DDHD1: variants seen among roughly 807,000 people sequenced by gnomAD.
DDHD1 encodes the protein DDHD domain containing 1, also known as phospholipase DDHD1.
In DDHD1, 49 loss-of-function variants were observed where a neutral mutation model predicts 96.4. The ratio of observed to expected loss-of-function variants is 0.51; its 90% CI spans 0.40 to 0.64. DDHD1 has a LOEUF of 0.64. DDHD1 is among the 30% of genes least tolerant of loss of function. The pLI, the probability that DDHD1 is intolerant of heterozygous loss-of-function variation, is 0.00. For missense variants in DDHD1, 1,106 were observed against 1,161.2 expected, an observed-to-expected ratio of 0.95 and a Z score of 0.69; for synonymous variants, 442 against 446.5, an observed-to-expected ratio of 0.99 and a Z score of 0.13.
chr14:53,114,199 G>A (rs1888367584), intron 1 of DDHD1, among the ~76,000 whole-genome samples: 1 of 152,236 alleles, frequency 6.6e-6, no homozygotes, highest in South Asian at 2.1e-4. Context: ...CACCTCTGAA[G>A]GAAAGACAGC....
intron 1 of DDHD1, among the ~76,000 whole-genome samples, chr14:53,151,604 GA>G (rs1342574560): frequency 6.6e-6 from 1 of 152,172 alleles, no homozygotes; most frequent in Non-Finnish European, 1.5e-5. Flanking sequence ...TGAGGAAGAC[GA>G]GGCATAGAAA....
chr14:53,054,392 T>C (rs749004017), intron 11 of DDHD1, 46 bp downstream of exon 11: 4 of 1,566,976 alleles, frequency 2.6e-6, no homozygotes, highest in Non-Finnish European at 3.5e-6. Context: ...TCCCCAAGTT[T>C]TAAAAAGATA....
chr14:53,131,899 T>G (rs987261548), intron 1 of DDHD1, among the ~76,000 whole-genome samples: 2 of 152,114 alleles, frequency 1.3e-5, no homozygotes, highest in African/African-American at 2.4e-5. Context: ...GCATAATTCT[T>G]CATGAAAACA....
At position 53,039,447 on chromosome 14, in the gene DDHD1, T is replaced by A. The variant is rs1253976527; in HGVS notation, c.*7321A>T. On this transcript the variant is annotated 3_prime_UTR_variant, in exon 13 of 13. Transcript: ENST00000673822. Reference sequence around the variant, plus strand: ...GAAATAAGGTCTGACCTGAGTCATGTACTCATCTCTTGACCATGGTACAGA... The same window carrying A: ...GAAATAAGGTCTGACCTGAGTCATGAACTCATCTCTTGACCATGGTACAGA... 6.6e-6 allele frequency: 1 copy of A among 152,280 alleles called. No individual in the cohort carries two copies. The highest frequency in any genetic ancestry group is 1.5e-5 in the Non-Finnish European group (1 of 68,094). The allele number at this position is 152,280 out of a possible 1,614,324, so 9.4% of individuals were successfully genotyped here.
At chr14:53,093,783 T>G (rs1317723155) in intron 2 of DDHD1, 2 of 255,056 alleles carry the variant, frequency 7.8e-6, no homozygotes, top group Non-Finnish European at 1.5e-5. Flanking sequence ...TCACTGGGTC[T>G]AAGGCATATA....
At chr14:53,103,114 G>C in intron 2 of DDHD1, 2 of 1,491,220 alleles carry the variant, frequency 1.3e-6, no homozygotes, top group Non-Finnish European at 1.8e-6. Flanking sequence ...GTTTACTCAA[G>C]ATTTAGACAC....
Position 53,046,611 on chromosome 14 carries a change from C to CT in DDHD1, c.*156dup, listed in dbSNP as rs113463836. The CT allele has an allele frequency of 5.2e-3, 2,165 of 413,008 alleles. 2 individuals are homozygous for CT. Among genetic ancestry groups the CT allele is most frequent in the African/African-American group, 0.018 (563 of 30,974 alleles). The allele number at this position is 413,008 out of a possible 1,614,324, so 25.6% of individuals were successfully genotyped here. ...ATGACTTCTTCAGAACTGAAAACTT[C>CT]TTTTTTTTTTAAATAAAGTGCTTTT... On this transcript the variant is annotated 3_prime_UTR_variant, in exon 13 of 13. Coordinates refer to ENST00000673822, the MANE Select transcript of DDHD1 (RefSeq NM_001160148.2).
At chr14:53,065,327 A>G (rs1470592003) in intron 6 of DDHD1, among the ~76,000 whole-genome samples, 2 of 152,222 alleles carry the variant, frequency 1.3e-5, no homozygotes, top group Non-Finnish European at 2.9e-5. Context: ...AGAGAGTTCT[A>G]GTCATCTATA....
Position 53,062,988 on chromosome 14 carries a change from T to C in DDHD1, c.1721A>G (p.Tyr574Cys). The C allele has an allele frequency of 6.2e-7, 1 of 1,613,944 alleles. No individual in the cohort carries two copies. The highest frequency in any genetic ancestry group is 8.5e-7 in the Non-Finnish European group (1 of 1,179,868). ...EELPDERWMSYEERHLLDELY... is the reference protein window; with the variant it reads ...EELPDERWMSCEERHLLDELY... ...TTCATCAAGAAGATGTCGTTCTTCA[T>C]AGCTCATCCATCGTTCATCAGGCAA... The change falls in exon 7 of 13, where the codon TAT becomes TGT. Residue 574 changes from tyrosine to cysteine, a missense_variant. By Grantham distance (194) the Tyr-to-Cys change is radical (BLOSUM62 -2). Coordinates refer to ENST00000673822, the MANE Select transcript of DDHD1 (RefSeq NM_001160148.2).
chr14:53,151,338 GGTCA>G (rs749314315), intron 1 of DDHD1, among the ~76,000 whole-genome samples: 2 of 152,096 alleles, frequency 1.3e-5, no homozygotes, highest in Admixed American at 6.5e-5. Context: ...TAATACTGGT[GGTCA>G]GTAACTTCTG....
intron 10 of DDHD1, among the ~76,000 whole-genome samples, chr14:53,055,202 A>G (rs1474540071): frequency 6.6e-6 from 1 of 152,210 alleles, no homozygotes; most frequent in Non-Finnish European, 1.5e-5. Flanking sequence ...AGTACTGGAG[A>G]TCATTCAAAG....
rs1881722681 is a variant in DDHD1 at position 53,042,432 on chromosome 14, T to C, written c.*4336A>G. 1 of 152,184 alleles carries C rather than the reference T, an allele frequency of 6.6e-6. No homozygotes were observed. The highest frequency in any genetic ancestry group is 1.5e-5 in the Non-Finnish European group (1 of 68,034). The allele number at this position is 152,184 out of a possible 1,614,324, so 9.4% of individuals were successfully genotyped here. On this transcript the variant is annotated 3_prime_UTR_variant, in exon 13 of 13. Coordinates refer to ENST00000673822, the MANE Select transcript of DDHD1 (RefSeq NM_001160148.2). ...TCACTGTATTTAGTTTTTCATGGAG[T>C]TTGCTGCCTTTCACTTCACTTTTCA... is the stretch of plus-strand genomic sequence containing the variant.
At chr14:53,127,418 C>T (rs1388779784) in intron 1 of DDHD1, among the ~76,000 whole-genome samples, 1 of 152,214 alleles carries the variant, frequency 6.6e-6, no homozygotes, top group Non-Finnish European at 1.5e-5. Context: ...TATTGTCTCA[C>T]TGCAGGGTTA....
At chr14:53,063,300 A>T in intron 6 of DDHD1, 95 bp from the exon 7 acceptor site, 1 of 1,375,494 alleles carries the variant, frequency 7.3e-7, no homozygotes, top group East Asian at 2.3e-5. Flanking sequence ...AAAAACATAC[A>T]TTACCGATCA....
chr14:53,144,514 C>G (rs1448069774), intron 1 of DDHD1, among the ~76,000 whole-genome samples: 1 of 152,234 alleles, frequency 6.6e-6, no homozygotes, highest in Non-Finnish European at 1.5e-5. Context: ...GAAGTAGATT[C>G]TCTCTTTCCT....
At chr14:53,140,846 A>G (rs555212979) in intron 1 of DDHD1, among the ~76,000 whole-genome samples, 41 of 152,354 alleles carry the variant, frequency 2.7e-4, no homozygotes, top group Non-Finnish European at 4.3e-4. Context: ...AAAGACACAT[A>G]CAGGTTTAAA....
intron 12 of DDHD1, among the ~76,000 whole-genome samples, 156 bp from the exon 13 acceptor site, chr14:53,047,105 A>G (rs986524307): frequency 1.3e-5 from 2 of 152,060 alleles, no homozygotes; most frequent in African/African-American, 2.4e-5. Context: ...AGAGAAAAAC[A>G]CTCAAAAGAG....
intron 1 of DDHD1, among the ~76,000 whole-genome samples, chr14:53,108,567 C>A (rs1447412824): frequency 6.6e-6 from 1 of 152,138 alleles, no homozygotes; most frequent in African/African-American, 2.4e-5. Flanking sequence ...AAAACCAAAA[C>A]CAAAAAACAA....
At position 53,039,724 on chromosome 14, in the gene DDHD1, C is replaced by G. The variant is rs1435391687; in HGVS notation, c.*7044G>C. 2 of 152,472 alleles carry G rather than the reference C, an allele frequency of 1.3e-5. No individual in the cohort carries two copies. The highest frequency in any genetic ancestry group is 6.5e-5 in the Admixed American group (1 of 15,272). The allele number at this position is 152,472 out of a possible 1,614,324, so 9.4% of individuals were successfully genotyped here. ...TTGTTGAAGGTAGGCAGTGGAGAAG[C>G]AGGCAGGAGAGTCAGGTTGGGCAGG... is the stretch of plus-strand genomic sequence containing the variant. On this transcript the variant is annotated 3_prime_UTR_variant, in exon 13 of 13. Transcript: ENST00000673822.
Sources: gnomAD v4.1 joint callset for allele counts (sites outside exome capture counted in the v4.1 genomes callset) on GRCh38, gnomAD v4.1.1 for gene constraint, MANE v1.5 for transcripts, NCBI Gene and HGNC (gene_info 2026-07-23, HGNC 2026-07-21) for gene names.